Variants in WDPCP observed in about 807,000 individuals in gnomAD.
WDPCP encodes the protein WD repeat-containing and planar cell polarity effector protein fritz homolog.
WDPCP carries 71 observed loss-of-function variants against 93.1 expected under a neutral mutation model. The observed-to-expected ratio is 0.76, with a 90% CI of 0.63 to 0.93. The LOEUF is 0.93. Among genes scored for constraint, WDPCP ranks in the 40% least tolerant of loss-of-function variants. The pLI, the probability that WDPCP is intolerant of heterozygous loss-of-function variation, is 0.00. For missense variants in WDPCP, 844 were observed against 887.4 expected (o/e 0.95, Z 0.62); for synonymous variants, 315 against 315.0 (o/e 1.00, Z 0.00).
intron 1 of WDPCP, among the ~76,000 whole-genome samples, chr2:63,824,802 C>G (rs1282612394): frequency 6.6e-6 from 1 of 151,606 alleles, no homozygotes; most frequent in African/African-American, 2.4e-5. Context: ...AAATGAGAAT[C>G]AAATAGATGA....
intron 3 of WDPCP, among the ~76,000 whole-genome samples, chr2:63,615,233 A>C (rs1709660145): frequency 6.6e-6 from 1 of 152,192 alleles, no homozygotes; most frequent in African/African-American, 2.4e-5. Context: ...AGTTTCACAT[A>C]CATACGGTGG....
chr2:63,699,230 G>A (rs140231261), intron 2 of WDPCP, among the ~76,000 whole-genome samples: 55 of 152,268 alleles, frequency 3.6e-4, no homozygotes, highest in African/African-American at 1.2e-3. Context: ...CACTGATAAT[G>A]TACTACCTCT....
chr2:63,820,693 G>C (rs946184465), intron 1 of WDPCP, among the ~76,000 whole-genome samples: 3 of 152,072 alleles, frequency 2.0e-5, no homozygotes, highest in Non-Finnish European at 4.4e-5. Flanking sequence ...GCAAAAAAAC[G>C]TGTGTTCTTT....
intron 12 of WDPCP, among the ~76,000 whole-genome samples, chr2:63,351,709 G>T (rs992015211): frequency 9.2e-5 from 14 of 152,132 alleles, no homozygotes; most frequent in African/African-American, 3.4e-4. Context: ...CATTGCTGTT[G>T]TGAATAGTGC....
chr2:63,195,960 C>T (rs140610108), intron 14 of WDPCP, among the ~76,000 whole-genome samples: 1 of 152,290 alleles, frequency 6.6e-6, no homozygotes, highest in South Asian at 2.1e-4. Flanking sequence ...TGTATAGCCA[C>T]CTCCTGTTGC....
chr2:63,179,626 C>A (rs114036904), intron 14 of WDPCP, among the ~76,000 whole-genome samples: 221 of 152,082 alleles, frequency 1.5e-3, no homozygotes, highest in African/African-American at 5.2e-3. Flanking sequence ...AATAAAACTT[C>A]TTTTCTTTAT....
intron 1 of WDPCP, among the ~76,000 whole-genome samples, chr2:63,558,319 G>A (rs1188894153): frequency 6.6e-6 from 1 of 152,152 alleles, no homozygotes; most frequent in Middle Eastern, 3.4e-3. Context: ...CTTGAGGTCA[G>A]GAGTTTGAGA....
intron 6 of WDPCP, among the ~76,000 whole-genome samples, chr2:63,475,420 T>G (rs1481359734): frequency 1.3e-5 from 2 of 152,108 alleles, no homozygotes; most frequent in African/African-American, 4.8e-5. Context: ...CCTCTGAACT[T>G]AAGATACTGT....
intron 14 of WDPCP, among the ~76,000 whole-genome samples, chr2:63,199,308 T>C (rs1675704259): frequency 6.6e-6 from 1 of 152,174 alleles, no homozygotes; most frequent in South Asian, 2.1e-4. Flanking sequence ...AGCTGAATGT[T>C]AGTAAAGACA....
At chr2:63,484,402 C>T (rs1700444481) in intron 6 of WDPCP, among the ~76,000 whole-genome samples, 2 of 151,956 alleles carry the variant, frequency 1.3e-5, no homozygotes, top group Non-Finnish European at 2.9e-5. Context: ...TACAACTATA[C>T]TGGTTAATAC....
chr2:63,724,950 T>C (rs1669476464), intron 2 of WDPCP, among the ~76,000 whole-genome samples: 1 of 152,222 alleles, frequency 6.6e-6, no homozygotes, highest in Non-Finnish European at 1.5e-5. Flanking sequence ...TGCTTTCATA[T>C]CCATTCTCCT....
At chr2:63,640,293 C>T (rs1311893826) in intron 3 of WDPCP, among the ~76,000 whole-genome samples, 3 of 152,184 alleles carry the variant, frequency 2.0e-5, no homozygotes, top group African/African-American at 7.2e-5. Context: ...CAGGTGTGAG[C>T]CACCATGCCC....
At position 63,577,076 on chromosome 2, in the gene WDPCP, T is replaced by C. The variant is rs138969972; in HGVS notation, c.75+11121A>G. 1.4e-4 allele frequency among the ~76,000 whole-genome samples: 21 copies of C among 152,368 alleles called. No homozygotes were observed. The East Asian group carries it at 4.0e-3, about 29-fold the overall frequency. ...AGATCCCTTTGCAATCAAGAAGTTC[T>C]AGTCAATATGGTAACTTAATTCATT... On this transcript the variant is annotated intron_variant, in intron 1 of 17. Coordinates refer to ENST00000272321, the MANE Select transcript of WDPCP (RefSeq NM_015910.7).
At chr2:63,549,977 C>T (rs1344205813) in intron 1 of WDPCP, among the ~76,000 whole-genome samples, 38 of 151,982 alleles carry the variant, frequency 2.5e-4, no homozygotes, top group Admixed American at 2.5e-3. Context: ...CCACTGCTTC[C>T]CTCCACTCCA....
chr2:63,718,403 A>G (rs1271512916), intron 2 of WDPCP, among the ~76,000 whole-genome samples: 2 of 152,104 alleles, frequency 1.3e-5, no homozygotes, highest in Admixed American at 1.3e-4. Context: ...TTTTCTCCAC[A>G]TCCTTGCCAA....
At chr2:63,616,749 A>T (rs1291099942) in intron 3 of WDPCP, among the ~76,000 whole-genome samples, 1 of 152,240 alleles carries the variant, frequency 6.6e-6, no homozygotes, top group Non-Finnish European at 1.5e-5. Context: ...TCATTATTTT[A>T]AAAAGTATAT....
At chr2:63,656,226 T>A (rs1710163913) in intron 2 of WDPCP, among the ~76,000 whole-genome samples, 1 of 152,196 alleles carries the variant, frequency 6.6e-6, no homozygotes, top group Admixed American at 6.5e-5. Flanking sequence ...TATCTTAAGA[T>A]CTTGCTGCAA....
chr2:63,263,630 C>T (rs985626765), intron 13 of WDPCP, among the ~76,000 whole-genome samples: 12 of 152,110 alleles, frequency 7.9e-5, no homozygotes, highest in African/African-American at 1.9e-4. Flanking sequence ...CAGCAGAAAA[C>T]GGATTAAGAC....
chr2:63,152,414 A>G (rs1323336982), intron 17 of WDPCP, among the ~76,000 whole-genome samples: 1 of 151,812 alleles, frequency 6.6e-6, no homozygotes, highest in African/African-American at 2.4e-5. Flanking sequence ...AGCTGGGATT[A>G]CAGGTGCAGC....
Sources: gnomAD v4.1 joint callset for allele counts (sites outside exome capture counted in the v4.1 genomes callset) on GRCh38, gnomAD v4.1.1 for gene constraint, MANE v1.5 for transcripts, NCBI Gene and HGNC (gene_info 2026-07-23, HGNC 2026-07-21) for gene names.